SPATS2: variants seen among roughly 807,000 people sequenced by gnomAD.
SPATS2 encodes the protein spermatogenesis-associated serine-rich protein 2.
Under a neutral mutation model 63.7 loss-of-function variants are expected in SPATS2, and 38 were observed. The ratio of observed to expected loss-of-function variants is 0.60; its 90% CI spans 0.46 to 0.78. The LOEUF is 0.78. Ranked by LOEUF, SPATS2 falls within the 30% of genes least tolerant of loss-of-function variation. The pLI is 0.00. For missense variants in SPATS2, 588 were observed against 666.2 expected (o/e 0.88, Z 1.29); for synonymous variants, 207 against 232.9 (o/e 0.89, Z 1.01).
chr12:49,415,133 T>C (rs1356105605), intron 2 of SPATS2, among the ~76,000 whole-genome samples: 2 of 151,918 alleles, frequency 1.3e-5, no homozygotes, highest in Admixed American at 6.6e-5. Context: ...GGTTTCACCA[T>C]ATTGGGCAGG....
At chr12:49,369,292 G>C (rs1943959233) in intron 1 of SPATS2, among the ~76,000 whole-genome samples, 1 of 152,094 alleles carries the variant, frequency 6.6e-6, no homozygotes, top group South Asian at 2.1e-4. Context: ...CTCCCAAAGT[G>C]TTGGGATTAC....
intron 9 of SPATS2, among the ~76,000 whole-genome samples, chr12:49,504,516 T>A (rs1281409314): frequency 6.6e-6 from 1 of 152,146 alleles, no homozygotes; most frequent in African/African-American, 2.4e-5. Flanking sequence ...TGTCCTATAA[T>A]GTGTTGATGA....
chr12:49,377,888 C>T (rs1944136669), intron 2 of SPATS2, among the ~76,000 whole-genome samples: 1 of 152,190 alleles, frequency 6.6e-6, no homozygotes, highest in Admixed American at 6.5e-5. Flanking sequence ...TTTAATTTCT[C>T]TGAGCCTATG....
chr12:49,516,208 T>A (rs867019870), intron 10 of SPATS2, among the ~76,000 whole-genome samples: 30 of 78,378 alleles, frequency 3.8e-4, no homozygotes, highest in East Asian at 1.7e-3. Context: ...TATATATATA[T>A]AAATCAGGCA....
intron 2 of SPATS2, among the ~76,000 whole-genome samples, chr12:49,460,088 A>G (rs1945795242): frequency 6.6e-6 from 1 of 151,430 alleles, no homozygotes; most frequent in South Asian, 2.1e-4. Flanking sequence ...AGCCTGGGCA[A>G]CAAGAGCGAA....
At chr12:49,426,668 C>T (rs1398247405) in intron 2 of SPATS2, among the ~76,000 whole-genome samples, 2 of 152,158 alleles carry the variant, frequency 1.3e-5, no homozygotes, top group South Asian at 2.1e-4. Flanking sequence ...CTCAGCCTCC[C>T]GAGTAGCTGG....
chr12:49,432,062 G>A (rs1945194630), intron 2 of SPATS2, among the ~76,000 whole-genome samples: 1 of 152,148 alleles, frequency 6.6e-6, no homozygotes, highest in Admixed American at 6.6e-5. Flanking sequence ...CTGCTTAGTT[G>A]TCTTCCAAAG....
rs539062027 is a variant in SPATS2, at chr12:49,522,610, G to A, written c.1009-141G>A. 4.9e-5 allele frequency: 28 copies of A among 573,814 alleles called. 1 individual carries two copies. Among genetic ancestry groups the A allele is most frequent in the African/African-American group, 2.3e-4 (12 of 52,848 alleles). The allele number at this position is 573,814 out of a possible 1,614,324, so 35.5% of individuals were successfully genotyped here. On this transcript the variant is annotated intron_variant, in intron 11 of 13. Coordinates refer to ENST00000552918, the MANE Select transcript of SPATS2 (RefSeq NM_023071.4). ...GAATGAATTTATTCGATCACCTGGC[G>A]TTGGTCATGTGATGGCCATTTAATA... is the stretch of plus-strand genomic sequence containing the variant.
chr12:49,489,622 A>T (rs1413184007), intron 5 of SPATS2, 49 bp downstream of exon 5: 1 of 1,523,412 alleles, frequency 6.6e-7, no homozygotes, highest in Non-Finnish European at 9.0e-7. Context: ...CTCAAATAGA[A>T]TTTGCTTCAG....
intron 9 of SPATS2, among the ~76,000 whole-genome samples, chr12:49,507,001 C>A (rs2137992058): frequency 6.6e-6 from 1 of 152,180 alleles, no homozygotes; most frequent in Non-Finnish European, 1.5e-5. Flanking sequence ...CATTATGAAA[C>A]AGGTTAGGAT....
chr12:49,377,686 A>G (rs1592339186), intron 2 of SPATS2, among the ~76,000 whole-genome samples: 2 of 152,270 alleles, frequency 1.3e-5, no homozygotes, highest in African/African-American at 4.8e-5. Context: ...GTATAGTTAT[A>G]ATATTTCTAT....
At chr12:49,497,960 C>G (rs1946491839) in intron 8 of SPATS2, among the ~76,000 whole-genome samples, 1 of 151,746 alleles carries the variant, frequency 6.6e-6, no homozygotes, top group Non-Finnish European at 1.5e-5. Flanking sequence ...GTGGTCCACT[C>G]CACTAAACAA....
At chr12:49,450,857 TTTTGTTTTG>T in intron 2 of SPATS2, among the ~76,000 whole-genome samples, 1 of 151,118 alleles carries the variant, frequency 6.6e-6, no homozygotes, top group Admixed American at 6.6e-5. Context: ...TTTTGTTTTG[TTTTGTTTTG>T]TTTTTTGTTT....
intron 6 of SPATS2, among the ~76,000 whole-genome samples, chr12:49,494,455 T>C (rs1040462583): frequency 6.6e-5 from 10 of 152,190 alleles, no homozygotes; most frequent in Admixed American, 1.3e-4. Context: ...CTGCACATAT[T>C]TTTTTCACAT....
intron 2 of SPATS2, among the ~76,000 whole-genome samples, chr12:49,448,832 A>C (rs1284190127): frequency 6.6e-6 from 1 of 151,542 alleles, no homozygotes; most frequent in Non-Finnish European, 1.5e-5. Flanking sequence ...CCTACTTTGT[A>C]TGATTTCAAT....
intron 11 of SPATS2, among the ~76,000 whole-genome samples, chr12:49,520,692 A>G (rs1946926621): frequency 6.6e-6 from 1 of 152,122 alleles, no homozygotes; most frequent in African/African-American, 2.4e-5. Flanking sequence ...ATCTATTTAT[A>G]ACAATTACTT....
At chr12:49,488,375 A>C (rs1480511826) in intron 4 of SPATS2, among the ~76,000 whole-genome samples, 3 of 152,134 alleles carry the variant, frequency 2.0e-5, no homozygotes, top group East Asian at 3.9e-4. Context: ...TATGAAATAC[A>C]GGCCAGGTGC....
At chr12:49,493,907 G>A (rs1170657658) in intron 6 of SPATS2, among the ~76,000 whole-genome samples, 1 of 152,072 alleles carries the variant, frequency 6.6e-6, no homozygotes, top group African/African-American at 2.4e-5. Flanking sequence ...TATATAAAGA[G>A]CTTTCTTGTT....
chr12:49,418,116 T>G (rs3036618), intron 2 of SPATS2, among the ~76,000 whole-genome samples: 3 of 137,674 alleles, frequency 2.2e-5, no homozygotes, highest in Non-Finnish European at 4.7e-5. Context: ...CAGTTTTTTT[T>G]TTTTTTTTTT....
Sources: allele counts gnomAD v4.1 joint callset (sites outside exome capture counted in the v4.1 genomes callset), GRCh38; gene constraint gnomAD v4.1.1; transcripts MANE v1.5; gene names NCBI Gene and HGNC (gene_info 2026-07-23, HGNC 2026-07-21).